KCNAB1: variants seen among roughly 807,000 people sequenced by gnomAD.
The protein encoded by KCNAB1 is voltage-gated potassium channel subunit beta-1.
A neutral mutation model predicts 64.6 loss-of-function variants in KCNAB1; 35 were observed. The ratio of observed to expected loss-of-function variants is 0.54; its 90% CI spans 0.41 to 0.72. KCNAB1 has a LOEUF of 0.72. Among genes scored for constraint, KCNAB1 ranks in the 30% least tolerant of loss-of-function variants. The pLI, the probability that KCNAB1 is intolerant of heterozygous loss-of-function variation, is 0.00. For missense variants in KCNAB1, 401 were observed against 512.9 expected, an observed-to-expected ratio of 0.78 and a Z score of 2.11; for synonymous variants, 177 against 183.8, an observed-to-expected ratio of 0.96 and a Z score of 0.30.
intron 1 of KCNAB1, among the ~76,000 whole-genome samples, chr3:156,158,074 A>G (rs1715830330): frequency 6.6e-6 from 1 of 151,468 alleles, no homozygotes; most frequent in Non-Finnish European, 1.5e-5. Flanking sequence ...CTGAGGCAGG[A>G]GAATGGCGTG....
chr3:156,150,896 C>T, intron 1 of KCNAB1, among the ~76,000 whole-genome samples: 1 of 152,240 alleles, frequency 6.6e-6, no homozygotes, highest in South Asian at 2.1e-4. Flanking sequence ...GTTATTATAA[C>T]CTAACCCAGT....
chr3:156,457,745 C>G (rs553594528), intron 4 of KCNAB1, among the ~76,000 whole-genome samples: 2 of 152,108 alleles, frequency 1.3e-5, no homozygotes, highest in Non-Finnish European at 2.9e-5. Flanking sequence ...GCTTCTGGAC[C>G]CTGTATGAAG....
intron 13 of KCNAB1, 160 bp from the exon 14 acceptor site, chr3:156,536,498 G>A (rs1719064880): frequency 3.2e-6 from 2 of 618,440 alleles, no homozygotes; most frequent in Non-Finnish European, 5.8e-6. Flanking sequence ...CTGACCTCAA[G>A]GAGCTTACAA....
chr3:156,529,636 C>G (rs1182064849), intron 12 of KCNAB1, among the ~76,000 whole-genome samples: 2 of 152,182 alleles, frequency 1.3e-5, no homozygotes, highest in Non-Finnish European at 2.9e-5. Context: ...CACAGGCCCT[C>G]TGGATGATTC....
intron 1 of KCNAB1, among the ~76,000 whole-genome samples, chr3:156,313,944 A>G (rs1191328725): frequency 6.6e-6 from 1 of 152,190 alleles, no homozygotes; most frequent in African/African-American, 2.4e-5. Context: ...TTTAAGCTCA[A>G]AGCCCCCCTT....
intron 13 of KCNAB1, among the ~76,000 whole-genome samples, chr3:156,532,577 A>C (rs1559934427): frequency 6.6e-6 from 1 of 152,222 alleles, no homozygotes; most frequent in Non-Finnish European, 1.5e-5. Flanking sequence ...AACATGATTT[A>C]AAATCTTTTT....
intron 1 of KCNAB1, among the ~76,000 whole-genome samples, chr3:156,174,880 A>G (rs1396300810): frequency 1.3e-5 from 2 of 152,244 alleles, no homozygotes; most frequent in Non-Finnish European, 2.9e-5. Context: ...AAGATATGGC[A>G]GCTTCTAGCT....
intron 1 of KCNAB1, among the ~76,000 whole-genome samples, chr3:156,395,170 A>G (rs1385338461): frequency 6.6e-6 from 1 of 152,178 alleles, no homozygotes; most frequent in Non-Finnish European, 1.5e-5. Context: ...ATTTTCATTG[A>G]TCAAAACAAA....
chr3:156,252,338 T>C (rs1250310931), intron 1 of KCNAB1, among the ~76,000 whole-genome samples: 1 of 152,232 alleles, frequency 6.6e-6, no homozygotes, highest in African/African-American at 2.4e-5. Context: ...TTTCCCCCTG[T>C]TTGCTGGCTG....
intron 1 of KCNAB1, chr3:156,176,889 G>C (rs1307029448): frequency 1.8e-6 from 2 of 1,139,256 alleles, no homozygotes; most frequent in South Asian, 1.3e-5. Flanking sequence ...CTCTGGGCCT[G>C]TACGCTTCTG....
intron 1 of KCNAB1, among the ~76,000 whole-genome samples, chr3:156,378,732 C>A (rs1053491088): frequency 1.3e-5 from 2 of 152,030 alleles, no homozygotes; most frequent in African/African-American, 2.4e-5. Flanking sequence ...CTCTAGAACC[C>A]AACATAGTGC....
intron 1 of KCNAB1, among the ~76,000 whole-genome samples, chr3:156,218,801 A>ATAGT (rs1553822949): frequency 8.9e-6 from 1 of 112,246 alleles, no homozygotes; most frequent in Admixed American, 1.0e-4. Flanking sequence ...AAAAAAAAAA[A>ATAGT]AATAATAATA....
intron 1 of KCNAB1, among the ~76,000 whole-genome samples, chr3:156,141,041 T>C (rs965590933): frequency 3.9e-4 from 59 of 152,082 alleles, no homozygotes; most frequent in African/African-American, 1.4e-3. Context: ...GAAAAACCCA[T>C]ATGTGAGGAG....
intron 1 of KCNAB1, among the ~76,000 whole-genome samples, chr3:156,386,382 C>T (rs1332228954): frequency 6.6e-6 from 1 of 152,170 alleles, no homozygotes; most frequent in Non-Finnish European, 1.5e-5. Flanking sequence ...CCATCTGAGG[C>T]TTTCTTCCCT....
At chr3:156,281,243 C>T (rs1268505868) in intron 1 of KCNAB1, among the ~76,000 whole-genome samples, 1 of 150,608 alleles carries the variant, frequency 6.6e-6, no homozygotes, top group East Asian at 2.0e-4. Context: ...TTGTCTTTGG[C>T]TCTGTTTATA....
At chr3:156,393,919 T>C (rs1047415670) in intron 1 of KCNAB1, among the ~76,000 whole-genome samples, 1 of 152,214 alleles carries the variant, frequency 6.6e-6, no homozygotes, top group African/African-American at 2.4e-5. Context: ...CTTTTTAAAA[T>C]ATCTTTAATA....
intron 13 of KCNAB1, among the ~76,000 whole-genome samples, chr3:156,533,336 T>C (rs754265569): frequency 6.6e-6 from 1 of 152,136 alleles, no homozygotes; most frequent in Non-Finnish European, 1.5e-5. Context: ...TCACACAGCA[T>C]GTGAAGAGTC....
At chr3:156,130,337 C>T (rs1713923002) in intron 1 of KCNAB1, among the ~76,000 whole-genome samples, 1 of 151,480 alleles carries the variant, frequency 6.6e-6, no homozygotes, top group Non-Finnish European at 1.5e-5. Flanking sequence ...TTCCTTCATT[C>T]CTTGACCTTG....
intron 1 of KCNAB1, chr3:156,382,038 GT>G (rs1712198177): frequency 1.3e-5 from 2 of 152,178 alleles, no homozygotes; most frequent in African/African-American, 4.8e-5. Context: ...GAAGAGCTGT[GT>G]GGCCCTAGGT....
Sources: gnomAD v4.1 joint callset for allele counts (sites outside exome capture counted in the v4.1 genomes callset) on GRCh38, gnomAD v4.1.1 for gene constraint, MANE v1.5 for transcripts, NCBI Gene and HGNC (gene_info 2026-07-23, HGNC 2026-07-21) for gene names.